The following B4GALNT3 variants were observed in gnomAD, a reference collection of about 807,000 sequenced individuals.
B4GALNT3 encodes the protein beta-1,4-N-acetylgalactosaminyltransferase 3.
B4GALNT3 carries 86 observed loss-of-function variants against 120.2 expected under a neutral mutation model. That is an observed-to-expected ratio of 0.72 (90% CI 0.60 to 0.86). The LOEUF (loss-of-function observed/expected upper bound fraction) is 0.86, where lower values mean the gene tolerates loss of function less well. Among genes scored for constraint, B4GALNT3 ranks in the 40% least tolerant of loss-of-function variants. The probability of loss-of-function intolerance (pLI) is 0.00; values close to 1 mark genes in which losing one functional copy is unlikely to be tolerated. For missense variants in B4GALNT3, 1,167 were observed against 1,298.9 expected (o/e 0.90, Z 1.56); for synonymous variants, 518 against 510.4 (o/e 1.01, Z -0.20).
At chr12:539,023 C>T (rs1317183046) in intron 3 of B4GALNT3, among the ~76,000 whole-genome samples, 2 of 152,196 alleles carry the variant, frequency 1.3e-5, no homozygotes, top group Non-Finnish European at 1.5e-5. Context: ...AGTGCAGGGC[C>T]CTGCTAAAGG....
chr12:558,408 C>A, intron 17 of B4GALNT3, 100 bp from the exon 18 acceptor site: 3 of 1,137,920 alleles, frequency 2.6e-6, no homozygotes, highest in African/African-American at 1.5e-5. Context: ...GTTTGTGAAT[C>A]ACTCCAATAG....
chr12:478,295 A>G (rs1946204704), intron 1 of B4GALNT3, among the ~76,000 whole-genome samples: 1 of 151,794 alleles, frequency 6.6e-6, no homozygotes, highest in Non-Finnish European at 1.5e-5. Context: ...AAAAAAAAAA[A>G]AATATTCAAG....
At chr12:469,942 G>A (rs567877857) in intron 1 of B4GALNT3, among the ~76,000 whole-genome samples, 6 of 152,184 alleles carry the variant, frequency 3.9e-5, no homozygotes, top group African/African-American at 1.2e-4. Context: ...ATGAGCCACC[G>A]CGCATGGCCA....
chr12:543,078 G>A (rs750561404), intron 3 of B4GALNT3: 12 of 1,269,570 alleles, frequency 9.5e-6, no homozygotes, highest in Admixed American at 2.3e-5. Context: ...CATTGTCCCC[G>A]TTGCCTGGGG....
intron 1 of B4GALNT3, among the ~76,000 whole-genome samples, chr12:516,442 G>A (rs945145517): frequency 2.0e-5 from 3 of 152,204 alleles, no homozygotes; most frequent in African/African-American, 7.2e-5. Context: ...GGTACAGCAT[G>A]CCTGGCATAT....
chr12:498,999 G>T (rs1946415283), intron 1 of B4GALNT3, among the ~76,000 whole-genome samples: 2 of 152,204 alleles, frequency 1.3e-5, no homozygotes. Flanking sequence ...CTGGGGACAG[G>T]ATAATGGAGC....
chr12:560,094 G>C (rs1052149099), intron 19 of B4GALNT3, among the ~76,000 whole-genome samples: 1 of 152,180 alleles, frequency 6.6e-6, no homozygotes, highest in Non-Finnish European at 1.5e-5. Context: ...TCCGTGTGAG[G>C]TTCCTCTTTC....
rs150169248 is a variant in B4GALNT3, at chr12:553,844, C to T, written c.1921C>T (p.Arg641Trp). The T allele has an allele frequency of 6.1e-5, 98 of 1,614,208 alleles. No homozygotes were observed. The African/African-American group carries it at 9.6e-4, about 16-fold the overall frequency. ...VVNWDQTFSA[R>W]NLDFQALRTD... ...AAACTGGGACCAGACCTTCAGTGCC[C>T]GGAATCTCGACTTCCAAGCCCTGAG... is the stretch of plus-strand genomic sequence containing the variant. Residue 641 changes from arginine to tryptophan, a missense_variant, in exon 14 of 20, where the codon CGG (arginine) becomes TGG (tryptophan). By Grantham distance (101) the Arg-to-Trp change is moderately radical. Transcript: ENST00000266383.
At chr12:472,434 C>T (rs140206004) in intron 1 of B4GALNT3, among the ~76,000 whole-genome samples, 1,929 of 137,298 alleles carry the variant, frequency 0.014, 14 homozygotes, top group Non-Finnish European at 0.021. Flanking sequence ...GTGCATGCCA[C>T]CATGCCTGCT....
At chr12:504,118 T>TAAAA (rs71045066) in intron 1 of B4GALNT3, among the ~76,000 whole-genome samples, 2 of 142,356 alleles carry the variant, frequency 1.4e-5, no homozygotes, top group Admixed American at 7.0e-5. Context: ...CTGTCTCAAT[T>TAAAA]AAAAAAAAAA....
intron 1 of B4GALNT3, among the ~76,000 whole-genome samples, chr12:486,737 C>T (rs1355087047): frequency 1.3e-5 from 2 of 152,084 alleles, no homozygotes; most frequent in Non-Finnish European, 2.9e-5. Flanking sequence ...CACCTAACCA[C>T]GATATCACTA....
chr12:465,227 G>A (rs61548455), intron 1 of B4GALNT3, among the ~76,000 whole-genome samples: 7,441 of 152,092 alleles, frequency 0.049, 575 homozygotes, highest in African/African-American at 0.17. Context: ...TCACGTGTCC[G>A]GTTTATCGCT....
intron 1 of B4GALNT3, among the ~76,000 whole-genome samples, chr12:525,465 G>C (rs1946752074): frequency 6.6e-6 from 1 of 152,170 alleles, no homozygotes; most frequent in Admixed American, 6.5e-5. Context: ...TCCGTTGCTG[G>C]TGAGGTGATG....
intron 1 of B4GALNT3, among the ~76,000 whole-genome samples, chr12:501,892 G>A (rs565541196): frequency 1.3e-5 from 2 of 152,196 alleles, no homozygotes; most frequent in Non-Finnish European, 2.9e-5. Flanking sequence ...GGTGCAGGCG[G>A]TACTGTACTT....
chr12:508,781 C>T (rs147300965), intron 1 of B4GALNT3, among the ~76,000 whole-genome samples: 6 of 152,362 alleles, frequency 3.9e-5, no homozygotes, highest in African/African-American at 9.6e-5. Context: ...CCCTCCCAGA[C>T]TTACCACTTC....
At chr12:557,992 C>G in intron 16 of B4GALNT3, 24 bp from the exon 17 acceptor site, 1 of 1,612,850 alleles carries the variant, frequency 6.2e-7, no homozygotes. Context: ...TCCTGATACG[C>G]AGCCCTCTCT....
intron 1 of B4GALNT3, among the ~76,000 whole-genome samples, chr12:492,275 T>G (rs1946349118): frequency 6.6e-6 from 1 of 152,202 alleles, no homozygotes. Context: ...ATAGAAGGGT[T>G]GCAGGATACA....
chr12:464,915 G>T (rs1340660774), intron 1 of B4GALNT3, among the ~76,000 whole-genome samples: 2 of 152,228 alleles, frequency 1.3e-5, no homozygotes, highest in African/African-American at 2.4e-5. Flanking sequence ...AGTGACTGCA[G>T]CTCTGGCCAC....
At position 460,347 on chromosome 12, in the gene B4GALNT3, C is replaced by T. The variant is rs1312509127; in HGVS notation, c.-30C>T. 1.7e-5 allele frequency: 18 copies of T among 1,084,106 alleles called. No individual in the cohort carries two copies. Among genetic ancestry groups the T allele is most frequent in the Non-Finnish European group, 1.9e-5 (17 of 894,784 alleles). The allele number at this position is 1,084,106 out of a possible 1,614,324, so 67.2% of individuals were successfully genotyped here. ...CGGCGGCTCGGGGGGTTGGAGCCCGCGCTGGCGGCGGCCGCCTCGGCGCAG... is the reference window on the plus strand; with the variant it reads ...CGGCGGCTCGGGGGGTTGGAGCCCGTGCTGGCGGCGGCCGCCTCGGCGCAG... On this transcript the variant is annotated 5_prime_UTR_variant, in exon 1 of 20. Transcript: ENST00000266383. The surrounding 1 kb of genome is among the most constrained non-coding windows in gnomAD (Gnocchi z 8.0).
Sources: gnomAD v4.1 joint callset for allele counts (sites outside exome capture counted in the v4.1 genomes callset) on GRCh38, gnomAD v4.1.1 for gene constraint, Gnocchi (gnomAD v3.1) non-coding constraint, MANE v1.5 for transcripts, NCBI Gene and HGNC (gene_info 2026-07-23, HGNC 2026-07-21) for gene names.